GSTA2: variants seen among roughly 807,000 people sequenced by gnomAD.
GSTA2 encodes the protein glutathione S-transferase alpha 2, also known as glutathione S-transferase A2.
GSTA2 carries 27 observed loss-of-function variants against 22.4 expected under a neutral mutation model. That is an observed-to-expected ratio of 1.21 (90% CI 0.89 to 1.67). The LOEUF is 1.67. Among genes scored for constraint, GSTA2 ranks in the 40% most tolerant of loss-of-function variants. The pLI, the probability that GSTA2 is intolerant of heterozygous loss-of-function variation, is 0.00. For missense variants in GSTA2, 302 were observed against 260.2 expected (o/e 1.16, Z -1.11); for synonymous variants, 121 against 86.8 (o/e 1.39, Z -2.19).
At position 52,752,101 on chromosome 6, in the gene GSTA2, G is replaced by A. The variant is rs536837956; in HGVS notation, c.415-393C>T. ...CTGTCTCCCGCTCCAATCTCCCTTG[G>A]GCAGTGACTCCACCATCGTGACAAC... On this transcript the variant is annotated intron_variant, in intron 5 of 6. Coordinates refer to ENST00000493422, the MANE Select transcript of GSTA2 (RefSeq NM_000846.5). 3.3e-5 allele frequency among the ~76,000 whole-genome samples: 5 copies of A among 152,148 alleles called. No individual in the cohort carries two copies. The South Asian group carries it at 1.0e-3, about 32-fold the overall frequency.
At chr6:52,755,374 T>A (rs1762821863) in intron 3 of GSTA2, among the ~76,000 whole-genome samples, 1 of 151,954 alleles carries the variant, frequency 6.6e-6, no homozygotes, top group African/African-American at 2.4e-5. Context: ...CCACTGCACA[T>A]GGCTAATTTT....
intron 1 of GSTA2, among the ~76,000 whole-genome samples, chr6:52,761,825 G>A (rs1193855677): frequency 6.6e-6 from 1 of 150,540 alleles, no homozygotes; most frequent in Non-Finnish European, 1.5e-5. Context: ...TAGAGGGCAG[G>A]GATGTGTGGG....
intron 1 of GSTA2, among the ~76,000 whole-genome samples, chr6:52,759,201 G>A (rs941783100): frequency 6.6e-6 from 1 of 152,180 alleles, no homozygotes; most frequent in Non-Finnish European, 1.5e-5. Flanking sequence ...TGTGTGTATG[G>A]ATCTTTGCAT....
rs1372380355 is a variant in GSTA2 at position 52,752,984 on chromosome 6, T to C, written c.284A>G (p.Tyr95Cys). 1 of 1,603,074 alleles carries C rather than the reference T, an allele frequency of 6.2e-7. No homozygotes were observed. The highest frequency in any genetic ancestry group is 1.3e-5 in the African/African-American group (1 of 74,630). Residue 95 changes from tyrosine to cysteine, a missense_variant, in exon 5 of 7, where the codon TAT (tyrosine) becomes TGT (cysteine). Transcript: ENST00000493422. The part of the protein sequence containing the change: ...DIKEKALIDM[Y>C]IEGIADLGEM... Reference sequence around the variant, plus strand: ...ACCCAAATCTGCTATACCTTCTATATACATATCAATCCTGAAAGACAAAAA... The same window carrying C: ...ACCCAAATCTGCTATACCTTCTATACACATATCAATCCTGAAAGACAAAAA...
rs1581775724 is a variant in GSTA2, at chr6:52,758,067, T to C, written c.-30-90A>G. Reference sequence around the variant, plus strand: ...ATGTATGGTTGAAAACCACAAACAATGCTGAAGAAGAACCTGCCTTCTTCA... The same window carrying C: ...ATGTATGGTTGAAAACCACAAACAACGCTGAAGAAGAACCTGCCTTCTTCA... On this transcript the variant is annotated intron_variant, in intron 1 of 6. Coordinates refer to ENST00000493422, the MANE Select transcript of GSTA2 (RefSeq NM_000846.5). The C allele has an allele frequency of 4.0e-6, 3 of 753,060 alleles. No individual in the cohort carries two copies. In the East Asian group the frequency reaches 8.1e-5, roughly 20 times the overall value. The allele number at this position is 753,060 out of a possible 1,614,324, so 46.6% of individuals were successfully genotyped here.
In GSTA2 at chr6:52,756,247, G is replaced by A. The variant is rs769769162; in HGVS notation, c.139+11C>T. On this transcript the variant is annotated intron_variant, in intron 3 of 6. Transcript: ENST00000493422. Reference sequence around the variant, plus strand: ...ATACCCTCATTAGAGAAACTTAGAGGTTGATCTTACCATTTCTTAACTTGT... The same window carrying A: ...ATACCCTCATTAGAGAAACTTAGAGATTGATCTTACCATTTCTTAACTTGT... 3.7e-5 allele frequency: 59 copies of A among 1,595,362 alleles called. No individual in the cohort carries two copies. The South Asian group carries it at 4.0e-4, about 11-fold the overall frequency.
chr6:52,754,899 A>T, intron 4 of GSTA2, 44 bp downstream of exon 4: 1 of 1,608,438 alleles, frequency 6.2e-7, no homozygotes, highest in East Asian at 2.2e-5. Flanking sequence ...GACCTAAATC[A>T]CTCTATGTTC....
intron 3 of GSTA2, among the ~76,000 whole-genome samples, chr6:52,755,282 T>C (rs1233010481): frequency 3.3e-5 from 5 of 151,538 alleles, no homozygotes; most frequent in Admixed American, 2.6e-4. Flanking sequence ...TGGTGTGATC[T>C]TGGCTCACTG....
intron 1 of GSTA2, among the ~76,000 whole-genome samples, chr6:52,759,511 G>T (rs1762910823): frequency 7.6e-6 from 1 of 131,478 alleles, no homozygotes; most frequent in South Asian, 2.6e-4. Context: ...TTTTGTGGTT[G>T]TTGAGTGTGG....
chr6:52,755,143 A>G (rs1270486928), intron 3 of GSTA2, 68 bp from the exon 4 acceptor site: 12 of 1,584,922 alleles, frequency 7.6e-6, no homozygotes, highest in East Asian at 2.2e-5. Flanking sequence ...ATGAAAAAAA[A>G]TGGTTGTTGA....
chr6:52,751,472 C>T (rs1762733963), intron 6 of GSTA2, 105 bp downstream of exon 6: 3 of 1,596,418 alleles, frequency 1.9e-6, no homozygotes, highest in South Asian at 1.1e-5. Context: ...CACCAAAGGC[C>T]TGGAGAAGGC....
Position 52,751,601 on chromosome 6 carries a change from A to G in GSTA2, c.522T>C (p.Leu174=). The change falls in exon 6 of 7, where the codon CTT becomes CTC. Residue 174 remains leucine (L), a synonymous_variant. Transcript: ENST00000493422. ...LYYVEELDSS[L]ISSFPLLKAL... is the part of the protein sequence containing the mutation. Reference sequence around the variant, plus strand: ...CCTTCAGCAGAGGGAAGCTGGAAATAAGGCTAGAGTCAAGCTCTTCCACGT... The same window carrying G: ...CCTTCAGCAGAGGGAAGCTGGAAATGAGGCTAGAGTCAAGCTCTTCCACGT... 1 of 1,614,108 alleles carries G rather than the reference A, an allele frequency of 6.2e-7. No individual in the cohort carries two copies. The highest frequency in any genetic ancestry group is 8.5e-7 in the Non-Finnish European group (1 of 1,179,982).
chr6:52,762,707 A>G (rs1377168631), intron 1 of GSTA2, among the ~76,000 whole-genome samples: 2 of 152,154 alleles, frequency 1.3e-5, no homozygotes, highest in Non-Finnish European at 2.9e-5. Flanking sequence ...TTCTTTCTCT[A>G]TACTTTGTCT....
chr6:52,755,215 CTTTTT>C (rs10626189), intron 3 of GSTA2, 140 bp from the exon 4 acceptor site: 27 of 709,382 alleles, frequency 3.8e-5, no homozygotes, highest in Non-Finnish European at 5.1e-5. Flanking sequence ...CTTGAAACAA[CTTTTT>C]TTTTTTTTTT....
At chr6:52,754,859 C>G (rs1454593357) in intron 4 of GSTA2, 84 bp downstream of exon 4, 1 of 1,580,942 alleles carries the variant, frequency 6.3e-7, no homozygotes, top group African/African-American at 1.4e-5. Flanking sequence ...GGTCTTGATA[C>G]CCTGCCATGG....
intron 2 of GSTA2, 30 bp downstream of exon 2, chr6:52,757,831 T>A (rs368366053): frequency 1.8e-5 from 28 of 1,574,948 alleles, no homozygotes; most frequent in Non-Finnish European, 2.4e-5. Context: ...ATCGTAAATC[T>A]GACTTAAGAT....
At position 52,755,079 on chromosome 6, in the gene GSTA2, T is replaced by A. The variant is rs1762815339; in HGVS notation, c.140-4A>T. The A allele has an allele frequency of 6.2e-7, 1 of 1,613,662 alleles. No homozygotes were observed. Among genetic ancestry groups the A allele is most frequent in the Non-Finnish European group, 8.5e-7 (1 of 1,179,980 alleles). On this transcript the variant is annotated splice_region_variant and splice_polypyrimidine_tract_variant and intron_variant, in intron 3 of 6. Coordinates refer to ENST00000493422, the MANE Select transcript of GSTA2 (RefSeq NM_000846.5). ...TGCTGGAACATCAAATATCCATCTT[T>A]AAGAGGAAGAAAAAAAAGGAGAGTG...
chr6:52,759,060 C>T (rs1463463300), intron 1 of GSTA2, among the ~76,000 whole-genome samples: 1 of 152,062 alleles, frequency 6.6e-6, no homozygotes, highest in African/African-American at 2.4e-5. Flanking sequence ...ATGGTAATCT[C>T]TCAGCAGATT....
intron 3 of GSTA2, 140 bp from the exon 4 acceptor site, chr6:52,755,215 C>CTTTTTTT (rs10626189): frequency 8.5e-6 from 6 of 709,466 alleles, no homozygotes; most frequent in Non-Finnish European, 1.3e-5. Context: ...CTTGAAACAA[C>CTTTTTTT]TTTTTTTTTT....
Sources: gnomAD v4.1 joint callset for allele counts (sites outside exome capture counted in the v4.1 genomes callset) on GRCh38, gnomAD v4.1.1 for gene constraint, MANE v1.5 for transcripts, NCBI Gene and HGNC (gene_info 2026-07-23, HGNC 2026-07-21) for gene names.